CYB5B: variants seen among roughly 807,000 people sequenced by gnomAD.
CYB5B encodes the protein cytochrome b5 type B (outer mitochondrial membrane).
CYB5B carries 14 observed loss-of-function variants against 21.3 expected under a neutral mutation model. The observed-to-expected ratio is 0.66, with a 90% CI of 0.43 to 1.03. The LOEUF is 1.03. Ranked by LOEUF, CYB5B falls within the 50% of genes least tolerant of loss-of-function variation. The pLI is 0.00. For missense variants in CYB5B, 166 were observed against 185.1 expected, an observed-to-expected ratio of 0.90 and a Z score of 0.60; for synonymous variants, 69 against 68.4, an observed-to-expected ratio of 1.01 and a Z score of -0.04.
intron 1 of CYB5B, among the ~76,000 whole-genome samples, chr16:69,446,384 C>T (rs34027166): frequency 0.35 from 53,725 of 151,954 alleles, 10,561 homozygotes; most frequent in Admixed American, 0.46. Context: ...AGTGCAGTGG[C>T]GTGATCTTGG....
At chr16:69,427,451 T>G (rs958463420) in intron 1 of CYB5B, among the ~76,000 whole-genome samples, 11 of 152,224 alleles carry the variant, frequency 7.2e-5, no homozygotes, top group African/African-American at 2.6e-4. Context: ...TTCAACCACA[T>G]GCTGATATAG....
At chr16:69,439,468 C>G (rs568355474) in intron 1 of CYB5B, among the ~76,000 whole-genome samples, 4 of 152,140 alleles carry the variant, frequency 2.6e-5, no homozygotes, top group Non-Finnish European at 4.4e-5. Flanking sequence ...GTTGGCCTCC[C>G]AAAGTGCTGG....
chr16:69,443,030 A>G (rs1163206218), intron 1 of CYB5B, among the ~76,000 whole-genome samples: 1 of 151,834 alleles, frequency 6.6e-6, no homozygotes. Context: ...CTCACTGAAA[A>G]CTTCGCCTCC....
At chr16:69,447,956 A>G (rs1055746406) in intron 2 of CYB5B, among the ~76,000 whole-genome samples, 159 bp from the exon 3 acceptor site, 3 of 149,842 alleles carry the variant, frequency 2.0e-5, no homozygotes, top group African/African-American at 7.4e-5. Context: ...GGACTCTGAT[A>G]TGCTCAGAGT....
chr16:69,441,978 C>T (rs1031796689), intron 1 of CYB5B, among the ~76,000 whole-genome samples: 7 of 152,254 alleles, frequency 4.6e-5, no homozygotes, highest in South Asian at 4.1e-4. Context: ...GAAGTTTTCA[C>T]GTATTTGCTC....
At chr16:69,450,836 CCTT>C (rs940263506) in intron 3 of CYB5B, among the ~76,000 whole-genome samples, 2 of 152,042 alleles carry the variant, frequency 1.3e-5, no homozygotes, top group Non-Finnish European at 2.9e-5. Context: ...TTTCCATTTT[CCTT>C]CTTCTCCTTC....
intron 1 of CYB5B, among the ~76,000 whole-genome samples, chr16:69,445,552 T>C (rs1417874847): frequency 1.3e-5 from 2 of 152,226 alleles, no homozygotes; most frequent in African/African-American, 4.8e-5. Flanking sequence ...TTAAATAATA[T>C]AAATTCTAAA....
chr16:69,425,391 C>A (rs1219214316), intron 1 of CYB5B, among the ~76,000 whole-genome samples: 1 of 152,066 alleles, frequency 6.6e-6, no homozygotes, highest in South Asian at 2.1e-4. Flanking sequence ...GACCTTGAGG[C>A]CAGAAACTCA....
Position 69,434,661 on chromosome 16 carries a change from C to T in CYB5B, c.174+9804C>T, listed in dbSNP as rs185564154. On this transcript the variant is annotated intron_variant, in intron 1 of 4. Coordinates refer to ENST00000307892, the MANE Select transcript of CYB5B (RefSeq NM_030579.3). ...TGGGCAGATCACGAGGTCAGCAGAT[C>T]GAGACCAGCCTGGCCAACATAGTGA... Among the ~76,000 whole-genome samples the T allele has an allele frequency of 3.3e-3, 508 of 152,138 alleles. 1 individual carries two copies. Among genetic ancestry groups the T allele is most frequent in the African/African-American group, 9.9e-3 (411 of 41,500 alleles).
Position 69,463,430 on chromosome 16 carries a change from G to A in CYB5B, c.*910G>A, listed in dbSNP as rs1411673914. The A allele has an allele frequency of 6.6e-6, 1 of 152,116 alleles. No homozygotes were observed. The highest frequency in any genetic ancestry group is 1.9e-4 in the East Asian group (1 of 5,194). 9.4% of individuals were successfully genotyped at this position (152,116 alleles called of 1,614,324 possible). The stretch of plus-strand genomic sequence containing the variant: ...TGGTGTTTTCTAAAGAAACAGGATA[G>A]GAGTTTAGAGAAGGCACCAAAGCTT... On this transcript the variant is annotated 3_prime_UTR_variant, in exon 5 of 5. Transcript: ENST00000307892.
At chr16:69,434,281 G>A (rs1402265443) in intron 1 of CYB5B, among the ~76,000 whole-genome samples, 1 of 152,094 alleles carries the variant, frequency 6.6e-6, no homozygotes, top group East Asian at 1.9e-4. Context: ...ATTGACATTT[G>A]GGTTGTCTCC....
At chr16:69,448,280 A>G in intron 3 of CYB5B, 136 bp downstream of exon 3, 7 of 990,622 alleles carry the variant, frequency 7.1e-6, no homozygotes, top group Non-Finnish European at 1.1e-5. Flanking sequence ...ATTTTTCTGG[A>G]ATTTGGACTC....
chr16:69,437,512 CTATCT>C (rs892248822), intron 1 of CYB5B, among the ~76,000 whole-genome samples: 23 of 152,128 alleles, frequency 1.5e-4, no homozygotes, highest in Non-Finnish European at 2.6e-4. Context: ...CAATACACTT[CTATCT>C]TGTTTTGTTA....
chr16:69,447,116 A>C (rs1332933648), intron 1 of CYB5B, 34 bp from the exon 2 acceptor site: 3 of 1,601,462 alleles, frequency 1.9e-6, no homozygotes, highest in Non-Finnish European at 2.6e-6. Context: ...CTTTTCAGAG[A>C]ACCCTCGGTT....
At chr16:69,444,951 G>T (rs1370592322) in intron 1 of CYB5B, among the ~76,000 whole-genome samples, 2 of 152,154 alleles carry the variant, frequency 1.3e-5, no homozygotes, top group Non-Finnish European at 2.9e-5. Context: ...TTTTAAAAAA[G>T]TGTTGTGCTT....
chr16:69,445,236 G>C (rs2014866022), intron 1 of CYB5B, among the ~76,000 whole-genome samples: 1 of 152,174 alleles, frequency 6.6e-6, no homozygotes, highest in South Asian at 2.1e-4. Flanking sequence ...AATAACCTGA[G>C]AGTTTCAGAT....
intron 1 of CYB5B, among the ~76,000 whole-genome samples, chr16:69,435,001 G>T (rs937959784): frequency 6.6e-6 from 1 of 151,972 alleles, no homozygotes; most frequent in Non-Finnish European, 1.5e-5. Flanking sequence ...TTTTTATGAA[G>T]TATCTGGTCT....
At chr16:69,455,398 CTCTTTT>C (rs2014973680) in intron 3 of CYB5B, among the ~76,000 whole-genome samples, 2 of 136,586 alleles carry the variant, frequency 1.5e-5, no homozygotes, top group Non-Finnish European at 3.2e-5. Flanking sequence ...CTTTGTTGTT[CTCTTTT>C]TTTTTTTTTT....
intron 1 of CYB5B, among the ~76,000 whole-genome samples, chr16:69,437,579 C>T (rs529303118): frequency 9.2e-5 from 14 of 152,148 alleles, no homozygotes; most frequent in African/African-American, 3.4e-4. Context: ...GATATATAAA[C>T]CTAACTTTAC....
Sources: allele counts gnomAD v4.1 joint callset (sites outside exome capture counted in the v4.1 genomes callset), GRCh38; gene constraint gnomAD v4.1.1; transcripts MANE v1.5; gene names NCBI Gene and HGNC (gene_info 2026-07-23, HGNC 2026-07-21).